PTPRJ: variants seen among roughly 807,000 people sequenced by gnomAD.
PTPRJ encodes the protein receptor-type tyrosine-protein phosphatase eta.
A neutral mutation model predicts 141.3 loss-of-function variants in PTPRJ; 129 were observed. The observed-to-expected ratio is 0.91, with a 90% CI of 0.79 to 1.06. The LOEUF (loss-of-function observed/expected upper bound fraction) is 1.06, where lower values mean the gene tolerates loss of function less well. Among genes scored for constraint, PTPRJ ranks in the 50% least tolerant of loss-of-function variants. The pLI is 0.00. For synonymous variants in PTPRJ, 610 were observed against 640.5 expected (o/e 0.95, Z 0.72); for missense variants, 1,601 against 1,679.7 (o/e 0.95, Z 0.82).
In PTPRJ at chr11:48,163,599, C is replaced by A. The variant is rs764318629; in HGVS notation, c.3700C>A (p.Pro1234Thr). ...CATGAAGCAGAGTCCTCCCGAATCG[C>A]CGATTCTGGTGCATTGCAGGTACGC... is the stretch of plus-strand genomic sequence containing the variant. The part of the protein sequence containing the change: ...DYMKQSPPES[P>T]ILVHCSAGVG... The change falls in exon 23 of 25, where the codon CCG becomes ACG. Residue 1234 changes from proline to threonine, a missense_variant. Transcript: ENST00000418331. 6.2e-7 allele frequency: 1 copy of A among 1,613,576 alleles called. No individual in the cohort carries two copies. Among genetic ancestry groups the A allele is most frequent in the Non-Finnish European group, 8.5e-7 (1 of 1,179,588 alleles).
At chr11:48,056,874 A>C (rs892877768) in intron 1 of PTPRJ, among the ~76,000 whole-genome samples, 1 of 152,090 alleles carries the variant, frequency 6.6e-6, no homozygotes, top group Admixed American at 6.6e-5. Flanking sequence ...GAATCGCTTG[A>C]CTCCGGGAGG....
At chr11:47,998,244 A>G (rs1854394962) in intron 1 of PTPRJ, among the ~76,000 whole-genome samples, 1 of 151,918 alleles carries the variant, frequency 6.6e-6, no homozygotes, top group Non-Finnish European at 1.5e-5. Flanking sequence ...TAAAGACCTC[A>G]TGTTAGCTAG....
rs371103069 is a variant in PTPRJ at position 48,040,609 on chromosome 11, C to CTTTTT, written c.96+59603_96+59604insTTTTT. 9.9e-3 allele frequency among the ~76,000 whole-genome samples: 1,445 copies of CTTTTT among 145,640 alleles called. 45 individuals carry two copies. Among genetic ancestry groups the CTTTTT allele is most frequent in the African/African-American group, 0.038 (1,372 of 36,498 alleles). On this transcript the variant is annotated intron_variant, in intron 1 of 24. Coordinates refer to ENST00000418331, the MANE Select transcript of PTPRJ (RefSeq NM_002843.4). The stretch of plus-strand genomic sequence containing the variant: ...TCTTACTTTCTTTCTTCTTCTTCTT[C>CTTTTT]TTCTTTTTTTTTTTTTTTTGAGACG...
intron 1 of PTPRJ, among the ~76,000 whole-genome samples, chr11:48,009,194 A>C (rs765678731): frequency 6.6e-6 from 1 of 152,352 alleles, no homozygotes; most frequent in African/African-American, 2.4e-5. Flanking sequence ...ATTGTGGACT[A>C]CTATGCAGTC....
At chr11:48,030,920 G>A (rs1437531573) in intron 1 of PTPRJ, among the ~76,000 whole-genome samples, 1 of 152,132 alleles carries the variant, frequency 6.6e-6, no homozygotes, top group East Asian at 1.9e-4. Context: ...TAGTCTCTTA[G>A]TCCCAGATAC....
intron 1 of PTPRJ, among the ~76,000 whole-genome samples, chr11:48,017,344 G>C (rs1304180626): frequency 6.6e-6 from 1 of 152,128 alleles, no homozygotes; most frequent in Non-Finnish European, 1.5e-5. Context: ...CTGGGGCTTG[G>C]CTGGATAACA....
intron 1 of PTPRJ, among the ~76,000 whole-genome samples, chr11:48,069,608 C>G (rs954585948): frequency 2.6e-5 from 4 of 151,932 alleles, no homozygotes; most frequent in Non-Finnish European, 4.4e-5. Flanking sequence ...TGCCACCACC[C>G]CCGGCTAATT....
At chr11:48,020,786 G>A (rs1021326579) in intron 1 of PTPRJ, among the ~76,000 whole-genome samples, 3 of 152,060 alleles carry the variant, frequency 2.0e-5, no homozygotes, top group Non-Finnish European at 2.9e-5. Flanking sequence ...CCCCTCCCAC[G>A]TTTGGATGGG....
chr11:48,069,697 C>T (rs1855189293), intron 1 of PTPRJ, among the ~76,000 whole-genome samples: 1 of 151,456 alleles, frequency 6.6e-6, no homozygotes. Flanking sequence ...GTGATCCGCC[C>T]ACCTCAGCCT....
chr11:47,994,652 G>A (rs1226031011), intron 1 of PTPRJ, among the ~76,000 whole-genome samples: 1 of 151,938 alleles, frequency 6.6e-6, no homozygotes, highest in Non-Finnish European at 1.5e-5. Flanking sequence ...GCTGCAGGGT[G>A]AGATTCTGTC....
At chr11:48,162,018 T>A (rs1857795721) in intron 22 of PTPRJ, among the ~76,000 whole-genome samples, 1 of 152,054 alleles carries the variant, frequency 6.6e-6, no homozygotes. Context: ...TAGGATGGAG[T>A]TGTCCACATC....
In PTPRJ at chr11:48,022,854, A is replaced by C. The variant is rs190839759; in HGVS notation, c.96+41846A>C. On this transcript the variant is annotated intron_variant, in intron 1 of 24. Coordinates refer to ENST00000418331, the MANE Select transcript of PTPRJ (RefSeq NM_002843.4). Reference sequence around the variant, plus strand: ...AGTGTGGAAGTGGCTGAATGAGATGACCCAAGGACTCTTTCTGGGAAGATG... The same window carrying C: ...AGTGTGGAAGTGGCTGAATGAGATGCCCCAAGGACTCTTTCTGGGAAGATG... Among the ~76,000 whole-genome samples the C allele has an allele frequency of 4.0e-3, 602 of 152,156 alleles. 2 individuals carry two copies. Among genetic ancestry groups the C allele is most frequent in the African/African-American group, 0.014 (561 of 41,518 alleles).
chr11:48,142,859 C>G, intron 11 of PTPRJ, 60 bp from the exon 12 acceptor site: 1 of 1,546,780 alleles, frequency 6.5e-7, no homozygotes, highest in East Asian at 2.4e-5. Flanking sequence ...TGTTCTCTAC[C>G]TAATGTGTTG....
intron 1 of PTPRJ, 24 bp from the exon 2 acceptor site, chr11:48,110,034 T>TGAA (rs1856398538): frequency 6.2e-7 from 1 of 1,613,574 alleles, no homozygotes; most frequent in African/African-American, 1.3e-5. Flanking sequence ...ATCTGCTGAC[T>TGAA]TCCGTTTTCT....
chr11:48,035,538 CTTTTTTTTTTTTTTTTTT>C (rs66504227), intron 1 of PTPRJ, among the ~76,000 whole-genome samples: 1 of 61,740 alleles, frequency 1.6e-5, no homozygotes, highest in Admixed American at 2.5e-4. Context: ...CTTTCTTCTT[CTTTTTTTTTTTTTTTTTT>C]TTTTTTTTTA....
At chr11:48,154,759 A>AG (rs1417584710) in intron 19 of PTPRJ, among the ~76,000 whole-genome samples, 1 of 152,148 alleles carries the variant, frequency 6.6e-6, no homozygotes, top group Non-Finnish European at 1.5e-5. Flanking sequence ...CTTGTACTTG[A>AG]CAAGGAGTAT....
At chr11:48,124,579 C>T (rs541588594) in intron 5 of PTPRJ, among the ~76,000 whole-genome samples, 4 of 152,332 alleles carry the variant, frequency 2.6e-5, no homozygotes, top group Non-Finnish European at 5.9e-5. Flanking sequence ...CCAGCTGCCC[C>T]ACCAACCAGG....
chr11:48,055,955 T>C (rs1854741890), intron 1 of PTPRJ, among the ~76,000 whole-genome samples: 1 of 152,072 alleles, frequency 6.6e-6, no homozygotes, highest in Non-Finnish European at 1.5e-5. Context: ...TAGGTCAATA[T>C]ACAAGGTGTT....
chr11:48,030,321 A>C (rs1853946163), intron 1 of PTPRJ, among the ~76,000 whole-genome samples: 1 of 152,230 alleles, frequency 6.6e-6, no homozygotes, highest in Non-Finnish European at 1.5e-5. Context: ...TCACATAGAA[A>C]TTAGTTAGAG....
Sources: gnomAD v4.1 joint callset for allele counts (sites outside exome capture counted in the v4.1 genomes callset) on GRCh38, gnomAD v4.1.1 for gene constraint, MANE v1.5 for transcripts, NCBI Gene and HGNC (gene_info 2026-07-23, HGNC 2026-07-21) for gene names.